EPHB1: variants seen among roughly 807,000 people sequenced by gnomAD.
EPHB1 encodes EPH receptor B1.
In EPHB1, 30 loss-of-function variants were observed where a neutral mutation model predicts 94.4. That is an observed-to-expected ratio of 0.32 (90% confidence interval 0.24 to 0.43). The LOEUF is 0.43. EPHB1 is among the 20% of genes least tolerant of loss of function. The pLI, the probability that EPHB1 is intolerant of heterozygous loss-of-function variation, is 1.00. For missense variants in EPHB1, 1,055 were observed against 1,308.3 expected (o/e 0.81, Z 2.99); for synonymous variants, 522 against 489.1 (o/e 1.07, Z -0.89).
intron 1 of EPHB1, among the ~76,000 whole-genome samples, chr3:134,860,326 G>A (rs1201264399): frequency 6.6e-6 from 1 of 152,140 alleles, no homozygotes; most frequent in East Asian, 1.9e-4. Context: ...TGGCACCTAA[G>A]TGTAGACCAA....
At chr3:135,135,403 A>G (rs903768301) in intron 5 of EPHB1, among the ~76,000 whole-genome samples, 19 of 152,222 alleles carry the variant, frequency 1.2e-4, no homozygotes, top group Non-Finnish European at 2.5e-4. Flanking sequence ...GATGAGAACC[A>G]TCAAAGTAAA....
At chr3:135,179,048 T>G (rs1942073980) in intron 9 of EPHB1, among the ~76,000 whole-genome samples, 1 of 152,218 alleles carries the variant, frequency 6.6e-6, no homozygotes, top group South Asian at 2.1e-4. Context: ...CTCTACTTTT[T>G]GAATGTATTT....
At chr3:135,056,606 T>A (rs968162326) in intron 3 of EPHB1, among the ~76,000 whole-genome samples, 6 of 152,232 alleles carry the variant, frequency 3.9e-5, no homozygotes, top group Non-Finnish European at 7.3e-5. Flanking sequence ...ACCAGGCAAA[T>A]GTTAGATAGC....
At chr3:135,058,333 C>T (rs1203383841) in intron 3 of EPHB1, among the ~76,000 whole-genome samples, 1 of 152,184 alleles carries the variant, frequency 6.6e-6, no homozygotes, top group Non-Finnish European at 1.5e-5. Flanking sequence ...GCCCGCCTGG[C>T]AGGTGGTGAG....
intron 1 of EPHB1, among the ~76,000 whole-genome samples, chr3:134,895,816 CA>C (rs1255175494): frequency 1.3e-5 from 2 of 152,170 alleles, no homozygotes; most frequent in East Asian, 3.9e-4. Context: ...AAAGGATGGA[CA>C]GGGTGAAGGA....
chr3:135,074,148 C>T (rs1937823710), intron 3 of EPHB1, among the ~76,000 whole-genome samples: 1 of 152,036 alleles, frequency 6.6e-6, no homozygotes, highest in Admixed American at 6.6e-5. Flanking sequence ...GAAAATTGCC[C>T]TTATTTAGTT....
chr3:135,111,934 T>A (rs1028269343), intron 4 of EPHB1, among the ~76,000 whole-genome samples: 27 of 152,180 alleles, frequency 1.8e-4, no homozygotes, highest in Non-Finnish European at 3.2e-4. Flanking sequence ...CGCCTCAGCC[T>A]CCCAAAGTGC....
intron 1 of EPHB1, among the ~76,000 whole-genome samples, chr3:134,838,938 C>T (rs886212548): frequency 3.3e-5 from 5 of 152,192 alleles, no homozygotes; most frequent in African/African-American, 1.2e-4. Flanking sequence ...TAATTAGAAG[C>T]AGTCTGTAAC....
intron 13 of EPHB1, among the ~76,000 whole-genome samples, chr3:135,244,677 A>AAAG (rs1332355327): frequency 6.6e-6 from 1 of 152,236 alleles, no homozygotes; most frequent in African/African-American, 2.4e-5. Context: ...GAATGATTTC[A>AAAG]AAGTCCCATT....
chr3:134,976,872 T>C (rs1257265075), intron 3 of EPHB1, among the ~76,000 whole-genome samples: 1 of 152,160 alleles, frequency 6.6e-6, no homozygotes, highest in Admixed American at 6.5e-5. Context: ...GGTGGAGACT[T>C]TGTGGCCTTG....
chr3:135,038,826 C>A (rs1168899499), intron 3 of EPHB1, among the ~76,000 whole-genome samples: 1 of 152,034 alleles, frequency 6.6e-6, no homozygotes, highest in African/African-American at 2.4e-5. Flanking sequence ...AACAAAGCTT[C>A]CACAGTGTGG....
rs538308523 is a variant in EPHB1 at position 134,855,794 on chromosome 3, C to T, written c.58+60105C>T. ...CTAGGACCTAGAGCAGCTTCTGTTG[C>T]ACTGCAATAACTCGTGGTATTGAGC... On this transcript the variant is annotated intron_variant, in intron 1 of 15. Transcript: ENST00000398015. 5.3e-5 allele frequency among the ~76,000 whole-genome samples: 8 copies of T among 152,294 alleles called. No individual in the cohort carries two copies. In the South Asian group the frequency reaches 1.7e-3, roughly 32 times the overall value.
intron 4 of EPHB1, among the ~76,000 whole-genome samples, chr3:135,129,013 C>T (rs1342202883): frequency 1.3e-5 from 2 of 152,132 alleles, no homozygotes; most frequent in African/African-American, 4.8e-5. Flanking sequence ...TCTGTTTCTG[C>T]TCCTTGGAAG....
Position 135,117,962 on chromosome 3 carries a change from G to A in EPHB1, c.961+11359G>A, listed in dbSNP as rs182596614. On this transcript the variant is annotated intron_variant, in intron 4 of 15. Transcript: ENST00000398015. ...GGTGAGGGCTGGGGTGGGGTGGGGGGCAATGGTCAGTGGGAACCCATGGTC... is the reference window on the plus strand; with the variant it reads ...GGTGAGGGCTGGGGTGGGGTGGGGGACAATGGTCAGTGGGAACCCATGGTC... Among the ~76,000 whole-genome samples the A allele has an allele frequency of 5.1e-3, 770 of 152,248 alleles. 9 individuals carry two copies. Among genetic ancestry groups the A allele is most frequent in the African/African-American group, 0.018 (739 of 41,544 alleles).
chr3:134,860,168 C>CAG (rs1553858674), intron 1 of EPHB1, among the ~76,000 whole-genome samples: 21 of 55,602 alleles, frequency 3.8e-4, no homozygotes, highest in South Asian at 1.1e-3. Flanking sequence ...CACACACACA[C>CAG]ACAGACACAC....
chr3:135,099,046 C>T (rs977562445), intron 3 of EPHB1, among the ~76,000 whole-genome samples: 3 of 149,154 alleles, frequency 2.0e-5, no homozygotes, highest in Non-Finnish European at 4.4e-5. Flanking sequence ...AAAGGGAATC[C>T]ACACTTTGTG....
chr3:135,111,921 G>A (rs1308793262), intron 4 of EPHB1, among the ~76,000 whole-genome samples: 1 of 152,118 alleles, frequency 6.6e-6, no homozygotes, highest in African/African-American at 2.4e-5. Flanking sequence ...CTTGTGATCT[G>A]CCCGCCTCAG....
intron 2 of EPHB1, among the ~76,000 whole-genome samples, chr3:134,934,334 G>A (rs1047291927): frequency 6.6e-6 from 1 of 152,190 alleles, no homozygotes; most frequent in South Asian, 2.1e-4. Flanking sequence ...AGGCTTGAGG[G>A]CCTTGGGTGA....
At chr3:135,038,337 T>C (rs376979225) in intron 3 of EPHB1, among the ~76,000 whole-genome samples, 2 of 152,356 alleles carry the variant, frequency 1.3e-5, no homozygotes, top group East Asian at 3.9e-4. Flanking sequence ...CTTTACCCGT[T>C]CCGAGTCTTG....
Sources: gnomAD v4.1 joint callset for allele counts (sites outside exome capture counted in the v4.1 genomes callset) on GRCh38, gnomAD v4.1.1 for gene constraint, MANE v1.5 for transcripts, NCBI Gene and HGNC (gene_info 2026-07-23, HGNC 2026-07-21) for gene names.